The following GSPT1 variants were observed in gnomAD, a reference collection of about 807,000 sequenced individuals.
The protein encoded by GSPT1 is eukaryotic peptide chain release factor GTP-binding subunit ERF3A.
Under a neutral mutation model 72.5 loss-of-function variants are expected in GSPT1, and 20 were observed. The ratio of observed to expected loss-of-function variants is 0.28; its 90% CI spans 0.19 to 0.40. GSPT1 has a LOEUF of 0.40. Among genes scored for constraint, GSPT1 ranks in the 10% least tolerant of loss-of-function variants. The pLI is 1.00. For synonymous variants in GSPT1, 334 were observed against 293.5 expected, an observed-to-expected ratio of 1.14 and a Z score of -1.41; for missense variants, 580 against 811.9, an observed-to-expected ratio of 0.71 and a Z score of 3.47.
In GSPT1 at chr16:11,915,548, C is replaced by T; in HGVS notation, c.173G>A (p.Arg58Gln). 6.7e-7 allele frequency: 1 copy of T among 1,498,296 alleles called. No homozygotes were observed. Among genetic ancestry groups the T allele is most frequent in the East Asian group, 2.9e-5 (1 of 33,904 alleles). 92.8% of individuals were successfully genotyped at this position (1,498,296 alleles called of 1,614,324 possible). A position where few individuals can be genotyped will look rare whatever the true frequency, so the allele number is the denominator to read the frequency against. Residue 58 changes from arginine (R) to glutamine (Q), a missense_variant, in exon 1 of 15, where the codon CGG becomes CAG. Coordinates refer to ENST00000434724, the MANE Select transcript of GSPT1 (RefSeq NM_002094.4). ...GCTGAAGGCCGCGCTGAGGTTCTCC[C>T]GCTGGGCCTCGGCCGCCGCCGCCAG... Reference protein sequence around the residue: ...GSLAAAAEAQRENLSAAFSRQ... With the variant: ...GSLAAAAEAQQENLSAAFSRQ...
chr16:11,914,142 G>A (rs1348033615), intron 1 of GSPT1, among the ~76,000 whole-genome samples: 1 of 152,140 alleles, frequency 6.6e-6, no homozygotes, highest in Non-Finnish European at 1.5e-5. Flanking sequence ...CTAACGTCCT[G>A]GCTAAATGAT....
chr16:11,894,099 T>G (rs2054303714), intron 5 of GSPT1, among the ~76,000 whole-genome samples: 1 of 127,460 alleles, frequency 7.8e-6, no homozygotes, highest in Admixed American at 1.0e-4. Flanking sequence ...GAGGCTGCAG[T>G]GAGCCAAAAT....
intron 11 of GSPT1, among the ~76,000 whole-genome samples, chr16:11,878,054 T>C (rs1312726540): frequency 2.0e-5 from 3 of 152,226 alleles, no homozygotes; most frequent in African/African-American, 7.2e-5. Context: ...AATGAATACA[T>C]CATTTCCTTT....
chr16:11,915,920 C>G lies in GSPT1; in HGVS notation c.-200G>C, dbSNP rs775609976. 6 of 804,630 alleles carry G rather than the reference C, an allele frequency of 7.5e-6. No individual in the cohort carries two copies. The highest frequency in any genetic ancestry group is 1.1e-5 in the Non-Finnish European group (5 of 462,038). 49.8% of individuals were successfully genotyped at this position (804,630 alleles called of 1,614,324 possible). A position where few individuals can be genotyped will look rare whatever the true frequency, so the allele number is the denominator to read the frequency against. On this transcript the variant is annotated 5_prime_UTR_variant, in exon 1 of 15. Coordinates refer to ENST00000434724, the MANE Select transcript of GSPT1 (RefSeq NM_002094.4). ...CTCGCGACGACGACAGAGGCGGCGGCGGCGGCAGCTCAACCCTCCTCCTCG... is the reference window on the plus strand; with the variant it reads ...CTCGCGACGACGACAGAGGCGGCGGGGGCGGCAGCTCAACCCTCCTCCTCG...
intron 5 of GSPT1, among the ~76,000 whole-genome samples, chr16:11,892,850 A>AAAAG (rs2141296031): frequency 6.7e-6 from 1 of 149,812 alleles, no homozygotes; most frequent in South Asian, 2.1e-4. Flanking sequence ...AAAAAAAAAA[A>AAAAG]AAAAAGAAAA....
At chr16:11,907,644 C>T (rs1239059037) in intron 1 of GSPT1, among the ~76,000 whole-genome samples, 1 of 152,136 alleles carries the variant, frequency 6.6e-6, no homozygotes, top group Non-Finnish European at 1.5e-5. Context: ...TGTGGCAGAT[C>T]AAGCACTAAA....
chr16:11,880,597 G>T (rs915188920), intron 11 of GSPT1, among the ~76,000 whole-genome samples: 7 of 152,098 alleles, frequency 4.6e-5, no homozygotes, highest in African/African-American at 1.7e-4. Flanking sequence ...GAAAGTGCAG[G>T]GATTATAGGC....
At chr16:11,913,555 C>T (rs2054587185) in intron 1 of GSPT1, among the ~76,000 whole-genome samples, 1 of 152,202 alleles carries the variant, frequency 6.6e-6, no homozygotes, top group Non-Finnish European at 1.5e-5. Flanking sequence ...AGTGACCATT[C>T]TAGACCAAGG....
In GSPT1 at chr16:11,912,092, C is replaced by T. The variant is rs531921435; in HGVS notation, c.352+3277G>A. ...CCAGGCGCGGTCACACCTGTAATCC[C>T]GGCACTTTGGGAGGCCAAGGCGGGC... On this transcript the variant is annotated intron_variant, in intron 1 of 14. Transcript: ENST00000434724. Among the ~76,000 whole-genome samples, 115 of 145,156 alleles carry T rather than the reference C, an allele frequency of 7.9e-4. 2 individuals carry two copies. Among genetic ancestry groups the T allele is most frequent in the African/African-American group, 2.6e-3 (103 of 39,086 alleles).
At chr16:11,915,962 T>C, upstream of GSPT1, 1 of 728,226 alleles carries the variant, frequency 1.4e-6, no homozygotes. Flanking sequence ...TGAGCGGATC[T>C]CCTCCCACCC....
At position 11,896,562 on chromosome 16, in the gene GSPT1, G is replaced by A. The variant is rs1596469094; in HGVS notation, c.660C>T (p.His220=). Residue 220 remains histidine, a synonymous_variant, in exon 4 of 15, where the codon CAC becomes CAT. Transcript: ENST00000434724. ...ATTGCTATGAGAGCAGCTTACCTAC[G>A]TGCCCAATGAATACTACATTTACAT... is the stretch of plus-strand genomic sequence containing the variant. The part of the protein sequence containing the change: ...KEHVNVVFIG[H]VDAGKSTIGG... The A allele has an allele frequency of 6.4e-6, 10 of 1,567,852 alleles. No individual in the cohort carries two copies. The highest frequency in any genetic ancestry group is 1.3e-5 in the African/African-American group (1 of 74,234).
intron 1 of GSPT1, among the ~76,000 whole-genome samples, chr16:11,906,483 A>T (rs887933644): frequency 4.6e-5 from 7 of 152,074 alleles, no homozygotes; most frequent in Non-Finnish European, 7.4e-5. Flanking sequence ...AAAATGTAAA[A>T]ATGAGCCAGG....
chr16:11,896,852 G>C, intron 3 of GSPT1, 67 bp from the exon 4 acceptor site: 1 of 1,022,372 alleles, frequency 9.8e-7, no homozygotes, highest in Non-Finnish European at 1.5e-6. Context: ...AAATACACTA[G>C]CTTTAAAACA....
At chr16:11,913,807 G>A (rs2054590404) in intron 1 of GSPT1, among the ~76,000 whole-genome samples, 1 of 152,142 alleles carries the variant, frequency 6.6e-6, no homozygotes, top group Non-Finnish European at 1.5e-5. Flanking sequence ...TATTCAAGAG[G>A]AAAACATTGT....
intron 11 of GSPT1, among the ~76,000 whole-genome samples, chr16:11,879,255 C>G (rs1442412518): frequency 6.6e-6 from 1 of 150,804 alleles, no homozygotes; most frequent in Admixed American, 6.6e-5. Flanking sequence ...ATTAGCCAGG[C>G]GTGGTGGCAG....
At chr16:11,907,970 G>A (rs1164399077) in intron 1 of GSPT1, among the ~76,000 whole-genome samples, 2 of 152,218 alleles carry the variant, frequency 1.3e-5, no homozygotes, top group Non-Finnish European at 2.9e-5. Context: ...GGCCAGGCGC[G>A]GTGGCTCACA....
At chr16:11,892,410 G>A (rs979220028) in intron 5 of GSPT1, among the ~76,000 whole-genome samples, 2 of 150,810 alleles carry the variant, frequency 1.3e-5, no homozygotes, top group Admixed American at 6.6e-5. Flanking sequence ...TTGGGAAGCT[G>A]AGTTGGGAGG....
At chr16:11,873,404 A>AC (rs1436844220) in intron 14 of GSPT1, among the ~76,000 whole-genome samples, 2 of 151,640 alleles carry the variant, frequency 1.3e-5, no homozygotes, top group African/African-American at 2.4e-5. Flanking sequence ...CTCCCCCCGT[A>AC]CCCCCCAAAC....
At chr16:11,889,916 C>T (rs35080834) in intron 6 of GSPT1, among the ~76,000 whole-genome samples, 9,565 of 151,908 alleles carry the variant, frequency 0.063, 380 homozygotes, top group South Asian at 0.16. Context: ...GCTGAGATTA[C>T]AGGCTTGAGT....
Sources: allele counts gnomAD v4.1 joint callset (sites outside exome capture counted in the v4.1 genomes callset), GRCh38; gene constraint gnomAD v4.1.1; transcripts MANE v1.5; gene names NCBI Gene and HGNC (gene_info 2026-07-23, HGNC 2026-07-21).